The following SH3BGR variants were observed in gnomAD, a reference collection of about 807,000 sequenced individuals.
SH3BGR encodes the protein SH3 domain-binding glutamic acid-rich protein.
SH3BGR carries 29 observed loss-of-function variants against 24.5 expected under a neutral mutation model. That is an observed-to-expected ratio of 1.18 (90% CI 0.88 to 1.61). The LOEUF (loss-of-function observed/expected upper bound fraction) is 1.61, where lower values mean the gene tolerates loss of function less well. SH3BGR is among the 40% of genes most tolerant of loss of function. The pLI, the probability that SH3BGR is intolerant of heterozygous loss-of-function variation, is 0.00. For synonymous variants in SH3BGR, 55 were observed against 65.7 expected (o/e 0.84, Z 0.79); for missense variants, 162 against 205.8 (o/e 0.79, Z 1.30).
intron 3 of SH3BGR, among the ~76,000 whole-genome samples, chr21:39,485,107 C>A (rs2078188564): frequency 6.6e-6 from 1 of 152,172 alleles, no homozygotes; most frequent in East Asian, 1.9e-4. Context: ...TGTAAGTAAG[C>A]ATTGGTTCCA....
At position 39,462,518 on chromosome 21, in the gene SH3BGR, TC is replaced by T; in HGVS notation, c.191del (p.Pro64LeufsTer86). ...GAGAGAAAAAACCTCAAAATGGGAT[TC>T]CTTTGCCTCCCCAGATCTTCAATGA... ...PGEKKPQNGIPLPPQIFNEEQ... is the reference protein window; with the variant it reads ...PGEKKPQNGIXLPPQIFNEEQ... On this transcript the variant is annotated frameshift_variant, in exon 2 of 7. Transcript: ENST00000333634. LOFTEE classifies it high-confidence loss of function. 6.2e-7 allele frequency: 1 copy of T among 1,604,798 alleles called. No individual in the cohort carries two copies.
At chr21:39,448,420 G>C (rs764490833), upstream of SH3BGR, among the ~76,000 whole-genome samples, 1 of 152,070 alleles carries the variant, frequency 6.6e-6, no homozygotes, top group African/African-American at 2.4e-5. Context: ...GATCATCTGG[G>C]GGTCTCTATG....
rs1487738408 is a variant in SH3BGR, at chr21:39,499,272, A to ATCTATCTATCTATCTG, written c.313-542_313-541insCTATCTGTCTATCTAT. Among the ~76,000 whole-genome samples, 19 of 150,258 alleles carry ATCTATCTATCTATCTG rather than the reference A, an allele frequency of 1.3e-4. No individual in the cohort carries two copies. The East Asian group carries it at 1.9e-3, about 15-fold the overall frequency. ...CTATCTATCATCTGTCTATCTGTCTATCTATCTATGTCTGTCTGCCTGCCT... is the reference window on the plus strand; with the variant it reads ...CTATCTATCATCTGTCTATCTGTCTATCTATCTATCTATCTGTCTATCTATGTCTGTCTGCCTGCCT... On this transcript the variant is annotated intron_variant, in intron 3 of 6. Transcript: ENST00000333634.
At chr21:39,451,923 C>T, upstream of SH3BGR, 2 of 1,614,126 alleles carry the variant, frequency 1.2e-6, no homozygotes, top group East Asian at 2.2e-5. Context: ...TCTGCTGCTC[C>T]TTGGAGAGAC....
intron 1 of SH3BGR, among the ~76,000 whole-genome samples, chr21:39,455,945 A>G (rs1038629016): frequency 3.3e-5 from 5 of 152,190 alleles, no homozygotes; most frequent in East Asian, 1.9e-4. Flanking sequence ...TGCGTCCAAC[A>G]GTCCCGCAAT....
chr21:39,512,759 TC>T (rs1327453598), intron 6 of SH3BGR, among the ~76,000 whole-genome samples: 3 of 152,076 alleles, frequency 2.0e-5, no homozygotes, highest in Admixed American at 1.3e-4. Context: ...ACCACTGCAC[TC>T]CAGCCTGGGT....
chr21:39,499,949 G>A (rs1259531235), intron 4 of SH3BGR, 34 bp downstream of exon 4: 2 of 1,463,450 alleles, frequency 1.4e-6, no homozygotes, highest in South Asian at 1.1e-5. Flanking sequence ...AGTTTGACTG[G>A]ATTCTCTGCT....
intron 1 of SH3BGR, among the ~76,000 whole-genome samples, chr21:39,455,088 C>T (rs752557363): frequency 6.6e-6 from 1 of 152,210 alleles, no homozygotes; most frequent in African/African-American, 2.4e-5. Flanking sequence ...GTACAGTGAT[C>T]TCAGTTGGAA....
At chr21:39,489,260 T>C (rs1357012680) in intron 3 of SH3BGR, among the ~76,000 whole-genome samples, 1 of 152,182 alleles carries the variant, frequency 6.6e-6, no homozygotes, top group African/African-American at 2.4e-5. Flanking sequence ...CATCCCCTTA[T>C]CTTATGACTG....
intron 3 of SH3BGR, among the ~76,000 whole-genome samples, chr21:39,481,596 G>A (rs960249732): frequency 3.3e-5 from 5 of 151,932 alleles, no homozygotes; most frequent in Admixed American, 3.3e-4. Context: ...ACCTATCTAC[G>A]CTTAAGTCTA....
rs945191221 is a variant in SH3BGR at position 39,510,184 on chromosome 21, C to T, written c.435+1157C>T. Among the ~76,000 whole-genome samples, 8 of 127,150 alleles carry T rather than the reference C, an allele frequency of 6.3e-5. 1 individual carries two copies. The highest frequency in any genetic ancestry group is 2.5e-4 in the African/African-American group (7 of 28,366). The allele number at this position is 127,150 out of a possible 152,430, so 83.4% of individuals were successfully genotyped here. On this transcript the variant is annotated intron_variant, in intron 5 of 6. Transcript: ENST00000333634. The stretch of plus-strand genomic sequence containing the variant: ...GTCTCGATCTCCTGACCTTGTGATC[C>T]GCCCGCCTCGGCCTCCCAAAGTGCT...
intron 3 of SH3BGR, among the ~76,000 whole-genome samples, chr21:39,499,397 C>A (rs1198506010): frequency 6.6e-6 from 1 of 152,140 alleles, no homozygotes; most frequent in Non-Finnish European, 1.5e-5. Context: ...CTCCATCCAT[C>A]CATGCATCCA....
chr21:39,460,060 A>T (rs1206847171), intron 1 of SH3BGR, among the ~76,000 whole-genome samples: 1 of 152,200 alleles, frequency 6.6e-6, no homozygotes, highest in Non-Finnish European at 1.5e-5. Flanking sequence ...AGAGATGGCC[A>T]CGTTGGTAAG....
chr21:39,471,857 T>C (rs1394107890), intron 2 of SH3BGR, among the ~76,000 whole-genome samples: 1 of 152,224 alleles, frequency 6.6e-6, no homozygotes, highest in African/African-American at 2.4e-5. Context: ...TCCGCTATTA[T>C]ATCTTTTTAT....
At chr21:39,452,927 C>T (rs1386652120) in intron 1 of SH3BGR, among the ~76,000 whole-genome samples, 1 of 152,210 alleles carries the variant, frequency 6.6e-6, no homozygotes, top group Non-Finnish European at 1.5e-5. Flanking sequence ...CTGTCTGGAA[C>T]TGATATTTCG....
chr21:39,494,118 A>G (rs2078350805), intron 3 of SH3BGR, among the ~76,000 whole-genome samples: 1 of 152,178 alleles, frequency 6.6e-6, no homozygotes, highest in Non-Finnish European at 1.5e-5. Context: ...AAACATTGCC[A>G]TCATATGCAT....
At chr21:39,454,286 A>G (rs1284987239) in intron 1 of SH3BGR, among the ~76,000 whole-genome samples, 1 of 152,230 alleles carries the variant, frequency 6.6e-6, no homozygotes, top group Admixed American at 6.5e-5. Context: ...CTGTACATTT[A>G]AAAAATGGAT....
Position 39,511,718 on chromosome 21 carries a change from C to T in SH3BGR, c.474C>T (p.Ala158=), listed in dbSNP as rs753769067. ...EIAMEGAEGE[A]EEEEETAEGE... The stretch of plus-strand genomic sequence containing the variant: ...CCATGGAGGGTGCGGAAGGGGAAGC[C>T]GAGGAGGAGGAAGAAACTGCAGAAG... The change falls in exon 6 of 7, where the codon GCC becomes GCT. Residue 158 remains alanine (A), a synonymous_variant. Coordinates refer to ENST00000333634, the MANE Select transcript of SH3BGR (RefSeq NM_007341.3). The surrounding 1 kb of genome is among the most constrained non-coding windows in gnomAD (Gnocchi z 4.2). The T allele has an allele frequency of 1.3e-5, 20 of 1,595,736 alleles. No homozygotes were observed. Among genetic ancestry groups the T allele is most frequent in the South Asian group, 4.4e-5 (4 of 90,178 alleles).
intron 2 of SH3BGR, among the ~76,000 whole-genome samples, chr21:39,467,715 C>T (rs999757028): frequency 2.0e-5 from 3 of 152,102 alleles, no homozygotes; most frequent in Non-Finnish European, 4.4e-5. Flanking sequence ...CTTGGTCAGT[C>T]ATATGCCATG....
Sources: allele counts gnomAD v4.1 joint callset (sites outside exome capture counted in the v4.1 genomes callset), GRCh38; gene constraint gnomAD v4.1.1; non-coding constraint Gnocchi (gnomAD v3.1); transcripts MANE v1.5; gene names NCBI Gene and HGNC (gene_info 2026-07-23, HGNC 2026-07-21).